GPC5: variants seen among roughly 807,000 people sequenced by gnomAD.
GPC5 encodes the protein glypican-5.
Under a neutral mutation model 53.9 loss-of-function variants are expected in GPC5, and 47 were observed. The observed-to-expected ratio is 0.87, with a 90% CI of 0.69 to 1.11. The LOEUF is 1.11. GPC5 is among the 50% of genes most tolerant of loss of function. The pLI is 0.00. For synonymous variants in GPC5, 286 were observed against 263.3 expected, an observed-to-expected ratio of 1.09 and a Z score of -0.84; for missense variants, 748 against 713.1, an observed-to-expected ratio of 1.05 and a Z score of -0.56.
intron 7 of GPC5, among the ~76,000 whole-genome samples, chr13:92,524,356 C>T (rs916132697): frequency 5.3e-5 from 8 of 151,982 alleles, no homozygotes; most frequent in East Asian, 1.9e-4. Context: ...CCTAACACAA[C>T]GTAAATGCTA....
chr13:92,365,134 T>C (rs1466982624), intron 7 of GPC5, among the ~76,000 whole-genome samples: 4 of 151,748 alleles, frequency 2.6e-5, no homozygotes, highest in South Asian at 2.1e-4. Flanking sequence ...GTGAACAGCA[T>C]AGAGTATACT....
rs1248899082 is a variant in GPC5, at chr13:91,774,992, G to A, written c.1280+18572G>A. ...TTTTCAGAGACTTGCAGGGTAAGTA[G>A]GAGCTAGCTAGGTGAAATGGGTAAG... On this transcript the variant is annotated intron_variant, in intron 5 of 7. Transcript: ENST00000377067. 2.6e-5 allele frequency among the ~76,000 whole-genome samples: 4 copies of A among 152,160 alleles called. No homozygotes were observed. In the East Asian group the frequency reaches 7.7e-4, roughly 29 times the overall value.
At chr13:92,807,374 G>C (rs1303071556) in intron 7 of GPC5, among the ~76,000 whole-genome samples, 1 of 152,038 alleles carries the variant, frequency 6.6e-6, no homozygotes, top group Non-Finnish European at 1.5e-5. Context: ...CATAATATTA[G>C]TTTATGGAGA....
intron 7 of GPC5, among the ~76,000 whole-genome samples, chr13:92,572,991 A>G (rs915035985): frequency 2.0e-5 from 3 of 152,246 alleles, no homozygotes; most frequent in African/African-American, 7.2e-5. Context: ...TTTTCAAAAT[A>G]AAAAATAATA....
chr13:92,731,270 A>G (rs2139299266), intron 7 of GPC5, among the ~76,000 whole-genome samples: 1 of 151,704 alleles, frequency 6.6e-6, no homozygotes, highest in East Asian at 1.9e-4. Context: ...AATGTGATGT[A>G]ATTAGAGCTC....
intron 7 of GPC5, among the ~76,000 whole-genome samples, chr13:92,846,007 A>T (rs1878599135): frequency 1.3e-5 from 2 of 152,190 alleles, no homozygotes; most frequent in Non-Finnish European, 2.9e-5. Flanking sequence ...CATACCTATC[A>T]GTCCGTTCTC....
intron 6 of GPC5, among the ~76,000 whole-genome samples, chr13:91,993,566 T>A (rs1489901975): frequency 6.6e-6 from 1 of 152,226 alleles, no homozygotes; most frequent in Non-Finnish European, 1.5e-5. Context: ...TCAATTGTCA[T>A]GTAATTCTGG....
chr13:92,350,097 T>C (rs923044916), intron 7 of GPC5, among the ~76,000 whole-genome samples: 1 of 152,166 alleles, frequency 6.6e-6, no homozygotes, highest in Non-Finnish European at 1.5e-5. Flanking sequence ...TCAGTAACTG[T>C]GATACATCAC....
intron 2 of GPC5, among the ~76,000 whole-genome samples, chr13:91,672,618 C>T (rs2035276590): frequency 6.6e-6 from 1 of 152,182 alleles, no homozygotes; most frequent in South Asian, 2.1e-4. Flanking sequence ...AATTGGAATG[C>T]TTTTACACTG....
intron 6 of GPC5, among the ~76,000 whole-genome samples, chr13:92,002,211 G>A (rs2040562097): frequency 6.6e-6 from 1 of 151,900 alleles, no homozygotes; most frequent in African/African-American, 2.4e-5. Context: ...CACAGGCAAG[G>A]AAAGGTTAAA....
intron 5 of GPC5, among the ~76,000 whole-genome samples, chr13:91,826,998 G>A (rs1169383709): frequency 6.6e-6 from 1 of 151,926 alleles, no homozygotes; most frequent in African/African-American, 2.4e-5. Flanking sequence ...GTTAGACAAA[G>A]TAAGATCTAG....
intron 6 of GPC5, among the ~76,000 whole-genome samples, chr13:91,910,364 T>C (rs2039598108): frequency 6.6e-6 from 1 of 152,194 alleles, no homozygotes; most frequent in South Asian, 2.1e-4. Flanking sequence ...TTTATTAATT[T>C]AGGAGTAGGG....
intron 7 of GPC5, among the ~76,000 whole-genome samples, chr13:92,388,715 G>A (rs1166043742): frequency 6.6e-6 from 1 of 152,064 alleles, no homozygotes; most frequent in Admixed American, 6.6e-5. Context: ...CTGTGGATTG[G>A]TTATTATCAG....
chr13:92,229,881 A>G (rs939702254), intron 7 of GPC5, among the ~76,000 whole-genome samples: 1 of 152,076 alleles, frequency 6.6e-6, no homozygotes, highest in African/African-American at 2.4e-5. Flanking sequence ...ACACTTTTTA[A>G]AAAATAGTCT....
intron 7 of GPC5, among the ~76,000 whole-genome samples, chr13:92,510,362 G>C (rs966009524): frequency 6.6e-6 from 1 of 152,166 alleles, no homozygotes; most frequent in Non-Finnish European, 1.5e-5. Flanking sequence ...TAAGATGCCA[G>C]TGGGTTAGAA....
intron 5 of GPC5, among the ~76,000 whole-genome samples, chr13:91,878,090 T>C (rs967992764): frequency 6.6e-6 from 1 of 152,124 alleles, no homozygotes; most frequent in Non-Finnish European, 1.5e-5. Flanking sequence ...TAAACTTCTT[T>C]TGCTTCCCAG....
intron 7 of GPC5, among the ~76,000 whole-genome samples, chr13:92,410,058 G>A (rs921571206): frequency 2.6e-5 from 4 of 152,112 alleles, no homozygotes; most frequent in African/African-American, 9.7e-5. Context: ...TTGATATATC[G>A]CAATGATTCA....
intron 6 of GPC5, among the ~76,000 whole-genome samples, chr13:92,053,550 T>A (rs2041048029): frequency 6.6e-6 from 1 of 152,156 alleles, no homozygotes; most frequent in Non-Finnish European, 1.5e-5. Flanking sequence ...TTGGTTTGGG[T>A]CGTCTTTCTT....
At chr13:92,003,565 G>T (rs1366316488) in intron 6 of GPC5, among the ~76,000 whole-genome samples, 1 of 151,992 alleles carries the variant, frequency 6.6e-6, no homozygotes, top group Non-Finnish European at 1.5e-5. Context: ...TAGGATGTCA[G>T]TATTTCAAAT....
Sources: gnomAD v4.1 joint callset for allele counts (sites outside exome capture counted in the v4.1 genomes callset) on GRCh38, gnomAD v4.1.1 for gene constraint, MANE v1.5 for transcripts, NCBI Gene and HGNC (gene_info 2026-07-23, HGNC 2026-07-21) for gene names.